The following DDX46 variants were observed in gnomAD, a reference collection of about 807,000 sequenced individuals.
DDX46 encodes probable ATP-dependent RNA helicase DDX46.
DDX46 carries 30 observed loss-of-function variants against 134.9 expected under a neutral mutation model. The observed-to-expected ratio is 0.22, with a 90% CI of 0.17 to 0.30. The LOEUF (loss-of-function observed/expected upper bound fraction) is 0.30. DDX46 is among the 10% of genes least tolerant of loss of function. DDX46 has a pLI of 1.00. For missense variants in DDX46, 622 were observed against 1,248.7 expected (o/e 0.50, Z 7.56); for synonymous variants, 415 against 404.1 (o/e 1.03, Z -0.32).
intron 1 of DDX46, among the ~76,000 whole-genome samples, chr5:134,759,157 C>T (rs1222820087): frequency 6.6e-6 from 1 of 152,182 alleles, no homozygotes; most frequent in Non-Finnish European, 1.5e-5. Context: ...CCTGCACTAC[C>T]ATCAGAGGGT....
chr5:134,812,218 C>T (rs570827744), intron 18 of DDX46, among the ~76,000 whole-genome samples: 3 of 152,078 alleles, frequency 2.0e-5, no homozygotes, highest in African/African-American at 7.2e-5. Flanking sequence ...GCATCCACCA[C>T]CACGCCTGGC....
intron 21 of DDX46, among the ~76,000 whole-genome samples, chr5:134,822,768 G>A (rs978804979): frequency 1.3e-5 from 2 of 151,912 alleles, no homozygotes; most frequent in Non-Finnish European, 1.5e-5. Flanking sequence ...GTAGAGATGG[G>A]TTTTCACTAT....
At chr5:134,814,909 C>T (rs1030525407) in intron 18 of DDX46, among the ~76,000 whole-genome samples, 3 of 152,104 alleles carry the variant, frequency 2.0e-5, no homozygotes, top group Non-Finnish European at 4.4e-5. Context: ...AGCCACTGTG[C>T]GTGGCCATAA....
intron 1 of DDX46, 100 bp from the exon 2 acceptor site, chr5:134,763,804 G>A: frequency 2.2e-6 from 3 of 1,364,386 alleles, no homozygotes; most frequent in Non-Finnish European, 2.9e-6. Flanking sequence ...TTCTTTGAGT[G>A]TTAAATTTGT....
chr5:134,790,560 T>C lies in DDX46; in HGVS notation c.1626+8T>C, dbSNP rs748992513. The C allele has an allele frequency of 6.2e-7, 1 of 1,601,986 alleles. No homozygotes were observed. The highest frequency in any genetic ancestry group is 2.2e-5 in the East Asian group (1 of 44,794). ...ATGGGTTTTGAACCCCAGGTAATCATTAAATTTCTTAAGTGTTTTGAAATG... is the reference window on the plus strand; with the variant it reads ...ATGGGTTTTGAACCCCAGGTAATCACTAAATTTCTTAAGTGTTTTGAAATG... On this transcript the variant is annotated splice_region_variant and intron_variant, in intron 13 of 22. Transcript: ENST00000452510.
At chr5:134,797,342 C>G (rs1244249624) in intron 15 of DDX46, 4 of 211,966 alleles carry the variant, frequency 1.9e-5, no homozygotes, top group Non-Finnish European at 3.8e-5. Context: ...GCGCAGAGCT[C>G]ACTATATATA....
intron 5 of DDX46, 38 bp from the exon 6 acceptor site, chr5:134,777,536 A>G: frequency 6.2e-7 from 1 of 1,607,554 alleles, no homozygotes. Context: ...CTGCATTTTT[A>G]AACAGATGTT....
chr5:134,820,196 A>C (rs991721014), intron 21 of DDX46, among the ~76,000 whole-genome samples: 3 of 152,232 alleles, frequency 2.0e-5, no homozygotes, highest in Non-Finnish European at 4.4e-5. Flanking sequence ...CTGGGATTAC[A>C]GGCATGAGCC....
chr5:134,776,421 A>G (rs773524220), intron 5 of DDX46, among the ~76,000 whole-genome samples: 1 of 152,086 alleles, frequency 6.6e-6, no homozygotes, highest in Non-Finnish European at 1.5e-5. Flanking sequence ...CGAGAAAGCA[A>G]AAATATACTT....
At chr5:134,788,614 G>C (rs748396683) in intron 12 of DDX46, 23 bp downstream of exon 12, 7 of 1,603,778 alleles carry the variant, frequency 4.4e-6, no homozygotes, top group Non-Finnish European at 6.0e-6. Flanking sequence ...TATTTTTTTG[G>C]TGTCTTTTAT....
chr5:134,777,514 G>C (rs1753984166), intron 5 of DDX46, 60 bp from the exon 6 acceptor site: 1 of 1,594,250 alleles, frequency 6.3e-7, no homozygotes, highest in Admixed American at 1.8e-5. Context: ...GGTGTGGTCT[G>C]ATTGTGAAAT....
chr5:134,823,088 A>G (rs1430200227), intron 21 of DDX46, among the ~76,000 whole-genome samples: 3 of 143,644 alleles, frequency 2.1e-5, no homozygotes, highest in African/African-American at 5.2e-5. Context: ...TTCCTTTTGT[A>G]TTTCTTGTAG....
chr5:134,784,427 C>G lies in DDX46; in HGVS notation c.1228C>G (p.Arg410Gly). 6.2e-7 allele frequency: 1 copy of G among 1,613,978 alleles called. No individual in the cohort carries two copies. Among genetic ancestry groups the G allele is most frequent in the Non-Finnish European group, 8.5e-7 (1 of 1,179,968 alleles). Residue 410 changes from arginine (R) to glycine (G), a missense_variant, in exon 10 of 23, where the codon CGA (arginine) becomes GGA (glycine). Physicochemically the swap from Arg to Gly is moderately radical, Grantham distance 125 (BLOSUM62 -2). This residue lies in a region of DDX46 where 209 missense variants were observed against 508.4 expected (regional missense o/e 0.41). Coordinates refer to ENST00000452510, the MANE Select transcript of DDX46 (RefSeq NM_001300860.2). ...AGCTATTCCTGCTATAATGTCTGGACGAGATTTGATTGGCATTGCCAAAAC... is the reference window on the plus strand; with the variant it reads ...AGCTATTCCTGCTATAATGTCTGGAGGAGATTTGATTGGCATTGCCAAAAC... ...TQAIPAIMSG[R>G]DLIGIAKTGS...
intron 15 of DDX46, among the ~76,000 whole-genome samples, chr5:134,801,057 G>C (rs1460464659): frequency 1.3e-5 from 2 of 152,120 alleles, no homozygotes; most frequent in African/African-American, 4.8e-5. Flanking sequence ...GCCGAGTTGG[G>C]CAGATTGCTT....
intron 21 of DDX46, among the ~76,000 whole-genome samples, chr5:134,821,396 C>G (rs908367989): frequency 6.6e-6 from 1 of 151,934 alleles, no homozygotes; most frequent in African/African-American, 2.4e-5. Flanking sequence ...AGGCTGTTGT[C>G]AAACTCCTGA....
intron 9 of DDX46, among the ~76,000 whole-genome samples, chr5:134,783,848 C>CTTTT (rs60870042): frequency 1.5e-5 from 2 of 131,334 alleles, no homozygotes; most frequent in Non-Finnish European, 1.6e-5. Flanking sequence ...CAAGGCCGGC[C>CTTTT]TTTTTTTTTT....
At chr5:134,784,341 T>G in intron 9 of DDX46, 25 bp from the exon 10 acceptor site, 1 of 1,580,202 alleles carries the variant, frequency 6.3e-7, no homozygotes, top group Non-Finnish European at 8.6e-7. Context: ...TTCTTACCTT[T>G]TCTTCCTTTG....
chr5:134,826,514 C>G (rs1755596961), intron 21 of DDX46: 4 of 152,842 alleles, frequency 2.6e-5, no homozygotes, highest in Admixed American at 1.3e-4. Flanking sequence ...GTCCTCCTTT[C>G]ATTTTAAAGA....
chr5:134,765,836 T>C (rs1753551170), intron 2 of DDX46, among the ~76,000 whole-genome samples: 1 of 152,228 alleles, frequency 6.6e-6, no homozygotes, highest in Admixed American at 6.5e-5. Flanking sequence ...CCCGTGACAA[T>C]GTGGATAGCA....
Sources: allele counts gnomAD v4.1 joint callset (sites outside exome capture counted in the v4.1 genomes callset), GRCh38; gene constraint gnomAD v4.1.1; regional missense constraint gnomAD v4.1.1; transcripts MANE v1.5; gene names NCBI Gene and HGNC (gene_info 2026-07-23, HGNC 2026-07-21).